ZNF804B: variants seen among roughly 807,000 people sequenced by gnomAD.
ZNF804B encodes the protein zinc finger 804B.
Under a neutral mutation model 101.4 loss-of-function variants are expected in ZNF804B, and 80 were observed. The ratio of observed to expected loss-of-function variants is 0.79; its 90% confidence interval spans 0.66 to 0.95. ZNF804B has a LOEUF of 0.95. Among genes scored for constraint, ZNF804B ranks in the 40% least tolerant of loss-of-function variants. The pLI is 0.00. For synonymous variants in ZNF804B, 622 were observed against 558.8 expected (o/e 1.11, Z -1.59); for missense variants, 1,673 against 1,561.9 (o/e 1.07, Z -1.20).
At position 89,336,319 on chromosome 7, in the gene ZNF804B, A is replaced by C; in HGVS notation, c.3337A>C (p.Asn1113His). The change falls in exon 4 of 4, where the codon AAT becomes CAT. Residue 1113 changes from asparagine to histidine, a missense_variant. Coordinates refer to ENST00000333190, the MANE Select transcript of ZNF804B (RefSeq NM_181646.5). ...CATGCATATAAATCATGTAGAGGGA[A>C]ATATAAACTCTTACTATGACAGAAC... The part of the protein sequence containing the change: ...VSMHINHVEG[N>H]INSYYDRTMQ... The C allele has an allele frequency of 6.2e-7, 1 of 1,613,944 alleles. No individual in the cohort carries two copies. The highest frequency in any genetic ancestry group is 8.5e-7 in the Non-Finnish European group (1 of 1,179,948).
At chr7:89,278,273 G>T (rs1359456685) in intron 2 of ZNF804B, among the ~76,000 whole-genome samples, 1 of 151,900 alleles carries the variant, frequency 6.6e-6, no homozygotes, top group Admixed American at 6.6e-5. Flanking sequence ...TGAGTAGGTT[G>T]TGAAAAATTT....
chr7:89,009,557 C>G (rs992004709), intron 1 of ZNF804B, among the ~76,000 whole-genome samples: 1 of 152,024 alleles, frequency 6.6e-6, no homozygotes, highest in Non-Finnish European at 1.5e-5. Flanking sequence ...AATCTTAACC[C>G]CCAGAGTGAT....
chr7:88,832,828 C>A (rs997309239), intron 1 of ZNF804B, among the ~76,000 whole-genome samples: 26 of 151,888 alleles, frequency 1.7e-4, no homozygotes, highest in African/African-American at 6.3e-4. Context: ...ACAATACTGG[C>A]ACAGAAATCA....
intron 1 of ZNF804B, among the ~76,000 whole-genome samples, chr7:89,121,905 G>T (rs1374367575): frequency 2.0e-5 from 3 of 152,026 alleles, no homozygotes; most frequent in African/African-American, 7.2e-5. Flanking sequence ...GTGAGTGTTG[G>T]ATATCAGCTG....
At chr7:89,172,830 T>A (rs17308983) in intron 1 of ZNF804B, among the ~76,000 whole-genome samples, 30,695 of 152,040 alleles carry the variant, frequency 0.2, 3,316 homozygotes, top group Non-Finnish European at 0.23. Context: ...AGAATAAAAA[T>A]TTAAGTAAAC....
At chr7:89,086,343 G>C (rs1052938136) in intron 1 of ZNF804B, among the ~76,000 whole-genome samples, 2 of 151,716 alleles carry the variant, frequency 1.3e-5, no homozygotes, top group African/African-American at 2.4e-5. Context: ...AGCATTTTTA[G>C]GTTTTGCATA....
chr7:88,886,359 T>G (rs559463627), intron 1 of ZNF804B, among the ~76,000 whole-genome samples: 1 of 152,198 alleles, frequency 6.6e-6, no homozygotes, highest in East Asian at 1.9e-4. Context: ...TGTATTGGGC[T>G]TAATACCTGG....
At position 89,218,136 on chromosome 7, in the gene ZNF804B, TA is replaced by T. The variant is rs199973381; in HGVS notation, c.109-18del. 0.29 allele frequency: 460,815 copies of T among 1,606,848 alleles called. 68,188 individuals are homozygous for T. The highest frequency in any genetic ancestry group is 0.35 in the South Asian group (31,008 of 89,844). ...ATTAGAGAGAAGTCTAACCAACATTTATGTATTTTTTCTTAAAGGATTTTGC... is the reference window on the plus strand; with the variant it reads ...ATTAGAGAGAAGTCTAACCAACATTTTGTATTTTTTCTTAAAGGATTTTGC... On this transcript the variant is annotated intron_variant, in intron 1 of 3. Coordinates refer to ENST00000333190, the MANE Select transcript of ZNF804B (RefSeq NM_181646.5).
chr7:88,889,227 A>G (rs1792179572), intron 1 of ZNF804B, among the ~76,000 whole-genome samples: 1 of 151,998 alleles, frequency 6.6e-6, no homozygotes, highest in South Asian at 2.1e-4. Flanking sequence ...TGTTTTTGTT[A>G]TTGTGAATTG....
intron 1 of ZNF804B, chr7:88,795,013 C>G: frequency 1.5e-6 from 2 of 1,305,818 alleles, no homozygotes; most frequent in South Asian, 1.8e-5. Context: ...TGCCAGGGTA[C>G]CTCTTTACTG....
chr7:88,844,057 G>C (rs1311094355), intron 1 of ZNF804B, among the ~76,000 whole-genome samples: 2 of 152,020 alleles, frequency 1.3e-5, no homozygotes, highest in African/African-American at 4.8e-5. Context: ...CCATTATGTA[G>C]AGTTAACAAA....
intron 1 of ZNF804B, among the ~76,000 whole-genome samples, chr7:89,019,153 G>A (rs1323292261): frequency 6.6e-6 from 1 of 151,952 alleles, no homozygotes; most frequent in Non-Finnish European, 1.5e-5. Flanking sequence ...TGCTTTTGCT[G>A]CATCCCATAA....
chr7:88,856,680 G>T (rs371877287), intron 1 of ZNF804B, among the ~76,000 whole-genome samples: 16 of 152,074 alleles, frequency 1.1e-4, no homozygotes, highest in African/African-American at 2.4e-4. Flanking sequence ...TCCCTGTCTT[G>T]TGCCAGTTTT....
chr7:89,146,156 C>T (rs1790788848), intron 1 of ZNF804B, among the ~76,000 whole-genome samples: 1 of 151,952 alleles, frequency 6.6e-6, no homozygotes, highest in African/African-American at 2.4e-5. Context: ...TGATGAGATC[C>T]ACTTTTTTGT....
At chr7:88,891,234 A>T (rs181931005) in intron 1 of ZNF804B, among the ~76,000 whole-genome samples, 1 of 152,026 alleles carries the variant, frequency 6.6e-6, no homozygotes, top group Admixed American at 6.6e-5. Context: ...TTGTAGATAC[A>T]TCTATTTTTG....
At chr7:88,865,933 T>C (rs1379415952) in intron 1 of ZNF804B, among the ~76,000 whole-genome samples, 2 of 152,206 alleles carry the variant, frequency 1.3e-5, no homozygotes, top group African/African-American at 4.8e-5. Flanking sequence ...ACTTATCACA[T>C]TGGTTTAATA....
At chr7:89,298,216 GTATATATATATATATATATA>G (rs1171165341) in intron 2 of ZNF804B, among the ~76,000 whole-genome samples, 26 of 27,524 alleles carry the variant, frequency 9.4e-4, no homozygotes, top group South Asian at 3.5e-3. Context: ...GTGTGTGTGT[GTATATATATATATATATATA>G]TATATATATA....
In ZNF804B at chr7:89,042,591, G is replaced by A. The variant is rs1226371798; in HGVS notation, c.109-175564G>A. 4.6e-5 allele frequency among the ~76,000 whole-genome samples: 7 copies of A among 151,968 alleles called. No individual in the cohort carries two copies. In the East Asian group the frequency reaches 1.2e-3, roughly 25 times the overall value. ...TATATAGTTAAGTTATAACCTTTCT[G>A]AATAGATCTTAGGGTAAAAAGCTTT... On this transcript the variant is annotated intron_variant, in intron 1 of 3. Coordinates refer to ENST00000333190, the MANE Select transcript of ZNF804B (RefSeq NM_181646.5).
chr7:89,203,907 G>A (rs1006707060), intron 1 of ZNF804B, among the ~76,000 whole-genome samples: 5 of 152,176 alleles, frequency 3.3e-5, no homozygotes, highest in Non-Finnish European at 4.4e-5. Context: ...ACACAGCAGA[G>A]ATTAATACCA....
Sources: gnomAD v4.1 joint callset for allele counts (sites outside exome capture counted in the v4.1 genomes callset) on GRCh38, gnomAD v4.1.1 for gene constraint, MANE v1.5 for transcripts, NCBI Gene and HGNC (gene_info 2026-07-23, HGNC 2026-07-21) for gene names.